Variants in SERPINA10 observed in about 807,000 individuals in gnomAD.
SERPINA10 encodes the protein serpin family A member 10.
A neutral mutation model predicts 28.0 loss-of-function variants in SERPINA10; 24 were observed. The observed-to-expected ratio is 0.86, with a 90% CI of 0.62 to 1.20. The LOEUF is 1.20. Ranked by LOEUF, SERPINA10 falls within the 50% of genes most tolerant of loss-of-function variation. SERPINA10 has a pLI of 0.00. For synonymous variants in SERPINA10, 207 were observed against 203.9 expected (o/e 1.02, Z -0.13); for missense variants, 521 against 537.7 (o/e 0.97, Z 0.31).
chr14:94,290,672 T>G (rs764441222), intron 1 of SERPINA10, 29 bp from the exon 2 acceptor site: 1 of 1,579,132 alleles, frequency 6.3e-7, no homozygotes, highest in African/African-American at 1.3e-5. Flanking sequence ...AGAGATGGTT[T>G]TAATGCCTCC....
intron 1 of SERPINA10, among the ~76,000 whole-genome samples, chr14:94,290,901 C>T (rs1895160365): frequency 6.6e-6 from 1 of 152,152 alleles, no homozygotes; most frequent in Non-Finnish European, 1.5e-5. Context: ...TTTCATTCAT[C>T]CCGTCTCCTC....
chr14:94,289,910 G>A lies in SERPINA10; in HGVS notation c.684C>T (p.Thr228=), dbSNP rs1411751130. The A allele has an allele frequency of 6.2e-7, 1 of 1,613,964 alleles. No homozygotes were observed. The highest frequency in any genetic ancestry group is 1.7e-5 in the Admixed American group (1 of 60,016). Residue 228 remains threonine, a synonymous_variant, in exon 2 of 5, where the codon ACC becomes ACT. Coordinates refer to ENST00000261994, the MANE Select transcript of SERPINA10 (RefSeq NM_001100607.3). ...PKLFDEINPE[T]KLILVDYILF... ...AGATGTAATCCACAAGAATTAATTTGGTTTCAGGATTAATCTCATCAAACA... is the reference window on the plus strand; with the variant it reads ...AGATGTAATCCACAAGAATTAATTTAGTTTCAGGATTAATCTCATCAAACA...
rs1296387473 is a variant in SERPINA10, at chr14:94,280,631, C to A, written c.*3334G>T. The A allele has an allele frequency of 6.6e-6, 1 of 152,142 alleles. No individual in the cohort carries two copies. The highest frequency in any genetic ancestry group is 2.4e-5 in the African/African-American group (1 of 41,432). 9.4% of individuals were successfully genotyped at this position (152,142 alleles called of 1,614,324 possible). A position where few individuals can be genotyped will look rare whatever the true frequency, so the allele number is the denominator to read the frequency against. Reference sequence around the variant, plus strand: ...CAGTTTAACAACTTATCAAATTAATCCTTTAAGCTAGTTGTATGGCAAAGA... The same window carrying A: ...CAGTTTAACAACTTATCAAATTAATACTTTAAGCTAGTTGTATGGCAAAGA... On this transcript the variant is annotated 3_prime_UTR_variant, in exon 5 of 5. Coordinates refer to ENST00000261994, the MANE Select transcript of SERPINA10 (RefSeq NM_001100607.3).
At chr14:94,288,251 G>C in intron 3 of SERPINA10, 35 bp downstream of exon 3, 1 of 1,612,250 alleles carries the variant, frequency 6.2e-7, no homozygotes, top group Non-Finnish European at 8.5e-7. Flanking sequence ...GTACAGAAAG[G>C]TAGAGTTTGT....
chr14:94,287,220 C>T (rs924186165), intron 3 of SERPINA10, among the ~76,000 whole-genome samples: 3 of 152,172 alleles, frequency 2.0e-5, no homozygotes, highest in Non-Finnish European at 4.4e-5. Context: ...ATCCACCTGT[C>T]GTCTTGACAT....
chr14:94,292,326 C>T (rs541067537), intron 1 of SERPINA10, among the ~76,000 whole-genome samples: 62 of 152,218 alleles, frequency 4.1e-4, no homozygotes, highest in African/African-American at 1.4e-3. Flanking sequence ...ATCTGCAAGC[C>T]AAGAAGACAG....
Position 94,282,807 on chromosome 14 carries a change from T to C in SERPINA10, c.*1158A>G, listed in dbSNP as rs928398713. On this transcript the variant is annotated 3_prime_UTR_variant, in exon 5 of 5. Transcript: ENST00000261994. ...ATTCATCTTTCTACCAATGCAGCCATAGAACATATATATCTTCATGAAGGA... is the reference window on the plus strand; with the variant it reads ...ATTCATCTTTCTACCAATGCAGCCACAGAACATATATATCTTCATGAAGGA... 1 of 152,220 alleles carries C rather than the reference T, an allele frequency of 6.6e-6. No individual in the cohort carries two copies. The highest frequency in any genetic ancestry group is 2.4e-5 in the African/African-American group (1 of 41,450). The allele number at this position is 152,220 out of a possible 1,614,324, so 9.4% of individuals were successfully genotyped here. A position where few individuals can be genotyped will look rare whatever the true frequency, so the allele number is the denominator to read the frequency against.
intron 4 of SERPINA10, among the ~76,000 whole-genome samples, chr14:94,285,098 C>T (rs992879842): frequency 2.6e-5 from 4 of 152,228 alleles, no homozygotes; most frequent in South Asian, 4.2e-4. Context: ...TTTAGTCTCT[C>T]TTGGAATTGA....
At chr14:94,290,859 G>A (rs189694607) in intron 1 of SERPINA10, among the ~76,000 whole-genome samples, 1 of 152,286 alleles carries the variant, frequency 6.6e-6, no homozygotes, top group East Asian at 1.9e-4. Flanking sequence ...TTCCCTGCCA[G>A]GCCGGCAGGC....
chr14:94,290,163 A>C lies in SERPINA10; in HGVS notation c.431T>G (p.Leu144Arg). ...KPTKPGLLPSLFKGLRETLSR... is the reference protein window; with the variant it reads ...KPTKPGLLPSRFKGLRETLSR... ...GAGGGTCTCTCTGAGTCCCTTAAAG[A>C]GGGAAGGCAGGAGCCCGGGCTTGGT... The change falls in exon 2 of 5, where the codon CTC (leucine) becomes CGC (arginine). Residue 144 changes from leucine (L) to arginine (R), a missense_variant. Transcript: ENST00000261994. 1 of 1,613,996 alleles carries C rather than the reference A, an allele frequency of 6.2e-7. No individual in the cohort carries two copies. Among genetic ancestry groups the C allele is most frequent in the Non-Finnish European group, 8.5e-7 (1 of 1,179,954 alleles).
chr14:94,288,858 T>G (rs1895091120), intron 2 of SERPINA10, among the ~76,000 whole-genome samples: 1 of 152,202 alleles, frequency 6.6e-6, no homozygotes, highest in African/African-American at 2.4e-5. Context: ...CCCTGGCTCC[T>G]CTCATTGTCC....
intron 3 of SERPINA10, 147 bp from the exon 4 acceptor site, chr14:94,286,405 G>C (rs1242470223): frequency 2.4e-6 from 2 of 847,298 alleles, no homozygotes; most frequent in East Asian, 5.2e-5. Context: ...TTTTACAGTG[G>C]TCTACTCAGG....
intron 3 of SERPINA10, among the ~76,000 whole-genome samples, 187 bp from the exon 4 acceptor site, chr14:94,286,445 T>C (rs534980636): frequency 9.2e-5 from 14 of 152,366 alleles, no homozygotes; most frequent in African/African-American, 3.4e-4. Context: ...CAAATAGTAC[T>C]TCAGCTTCAG....
Position 94,282,161 on chromosome 14 carries a change from G to A in SERPINA10, c.*1804C>T, listed in dbSNP as rs148630751. ...TGACTTTTCATCAGTCCAGGTTATG[G>A]AATGATGAAAAGTCAGTATTTAGAC... On this transcript the variant is annotated 3_prime_UTR_variant, in exon 5 of 5. Coordinates refer to ENST00000261994, the MANE Select transcript of SERPINA10 (RefSeq NM_001100607.3). 4.0e-5 allele frequency: 6 copies of A among 151,474 alleles called. No homozygotes were observed. The highest frequency in any genetic ancestry group is 3.5e-3 in the Middle Eastern group (1 of 286). 9.4% of individuals were successfully genotyped at this position (151,474 alleles called of 1,614,324 possible). A position where few individuals can be genotyped will look rare whatever the true frequency, so the allele number is the denominator to read the frequency against.
rs1038503387 is a variant in SERPINA10, at chr14:94,286,216, C to T, written c.1035G>A (p.Lys345=). 6.2e-7 allele frequency: 1 copy of T among 1,614,050 alleles called. No homozygotes were observed. Among genetic ancestry groups the T allele is most frequent in the Non-Finnish European group, 8.5e-7 (1 of 1,180,036 alleles). The stretch of plus-strand genomic sequence containing the variant: ...GCCTAAGCAGCTCATGCATCTCATA[C>T]TTCTGATCTAGCTTGAACTTCGGAA... ...VFFPKFKLDQ[K]YEMHELLRQM... Residue 345 remains lysine (K), a synonymous_variant, in exon 4 of 5, where the codon AAG becomes AAA. Coordinates refer to ENST00000261994, the MANE Select transcript of SERPINA10 (RefSeq NM_001100607.3).
intron 1 of SERPINA10, among the ~76,000 whole-genome samples, chr14:94,292,445 G>A (rs1317378326): frequency 2.6e-5 from 4 of 152,184 alleles, no homozygotes; most frequent in South Asian, 2.1e-4. Flanking sequence ...TTTTGTTAGA[G>A]GAGCCTGAGC....
At chr14:94,289,720 G>T (rs1046927927) in intron 2 of SERPINA10, among the ~76,000 whole-genome samples, 156 bp downstream of exon 2, 1 of 152,192 alleles carries the variant, frequency 6.6e-6, no homozygotes. Flanking sequence ...ACAGCGTCTG[G>T]CACTGTTCAA....
Position 94,289,950 on chromosome 14 carries a change from C to T in SERPINA10, c.644G>A (p.Gly215Glu). The T allele has an allele frequency of 6.2e-7, 1 of 1,614,122 alleles. No homozygotes were observed. Among genetic ancestry groups the T allele is most frequent in the East Asian group, 2.2e-5 (1 of 44,876 alleles). The change falls in exon 2 of 5, where the codon GGG (glycine) becomes GAG (glutamate). Residue 215 changes from glycine to glutamate, a missense_variant. Physicochemically the swap from Gly to Glu is moderately conservative, Grantham distance 98. Coordinates refer to ENST00000261994, the MANE Select transcript of SERPINA10 (RefSeq NM_001100607.3). ...CTCATCAAACAGTTTGGGAATTTTC[C>T]CCCGAGTCTCTTTGTTAATGTAATG... ...MNHYINKETR[G>E]KIPKLFDEIN... is the part of the protein sequence containing the mutation.
intron 3 of SERPINA10, among the ~76,000 whole-genome samples, chr14:94,287,895 A>C (rs920662189): frequency 2.0e-5 from 3 of 152,208 alleles, no homozygotes; most frequent in African/African-American, 7.2e-5. Flanking sequence ...GGCCTTGTCT[A>C]ACCTCCATCT....
Sources: gnomAD v4.1 joint callset for allele counts (sites outside exome capture counted in the v4.1 genomes callset) on GRCh38, gnomAD v4.1.1 for gene constraint, MANE v1.5 for transcripts, NCBI Gene and HGNC (gene_info 2026-07-23, HGNC 2026-07-21) for gene names.